The following SPAG16 variants were observed in gnomAD, a reference collection of about 807,000 sequenced individuals.
SPAG16 encodes sperm associated antigen 16, also known as sperm-associated antigen 16 protein.
In SPAG16, 86 loss-of-function variants were observed where a neutral mutation model predicts 80.4. The ratio of observed to expected loss-of-function variants is 1.07; its 90% CI spans 0.90 to 1.28. SPAG16 has a LOEUF of 1.28. SPAG16 is among the 50% of genes most tolerant of loss of function. The pLI is 0.00. For synonymous variants in SPAG16, 294 were observed against 265.9 expected (o/e 1.11, Z -1.03); for missense variants, 870 against 765.3 (o/e 1.14, Z -1.61).
intron 14 of SPAG16, among the ~76,000 whole-genome samples, chr2:214,118,152 G>A (rs1170242556): frequency 1.3e-5 from 2 of 152,014 alleles, no homozygotes; most frequent in Admixed American, 6.6e-5. Flanking sequence ...CAGTAAAGAT[G>A]GAGTACACAA....
intron 10 of SPAG16, among the ~76,000 whole-genome samples, chr2:213,644,613 C>T (rs1453249549): frequency 6.6e-6 from 1 of 152,218 alleles, no homozygotes; most frequent in Non-Finnish European, 1.5e-5. Context: ...ACCTCCTTCA[C>T]AGTCTTGGAC....
At chr2:213,336,454 C>T (rs527491423) in intron 5 of SPAG16, among the ~76,000 whole-genome samples, 8 of 152,316 alleles carry the variant, frequency 5.3e-5, no homozygotes, top group South Asian at 4.1e-4. Flanking sequence ...TGCCAGCCAA[C>T]GCAGCAGGTC....
intron 11 of SPAG16, among the ~76,000 whole-genome samples, chr2:213,909,534 G>A (rs2077572966): frequency 6.6e-6 from 1 of 151,832 alleles, no homozygotes; most frequent in South Asian, 2.1e-4. Context: ...CAGAGACATA[G>A]ATCAATGGAA....
chr2:214,149,777 G>A (rs531508394), intron 15 of SPAG16, among the ~76,000 whole-genome samples: 3 of 152,054 alleles, frequency 2.0e-5, no homozygotes, highest in East Asian at 1.9e-4. Flanking sequence ...ATTCTATAAT[G>A]TTATTATATT....
chr2:213,992,354 A>G (rs2046326379), intron 12 of SPAG16, among the ~76,000 whole-genome samples: 1 of 152,216 alleles, frequency 6.6e-6, no homozygotes, highest in Non-Finnish European at 1.5e-5. Flanking sequence ...TCACAGCTAT[A>G]ATGAATGATT....
At chr2:214,273,886 C>T (rs997066798) in intron 15 of SPAG16, among the ~76,000 whole-genome samples, 1 of 152,114 alleles carries the variant, frequency 6.6e-6, no homozygotes, top group African/African-American at 2.4e-5. Context: ...TTACCCTGTG[C>T]AGTATGGCCA....
intron 15 of SPAG16, among the ~76,000 whole-genome samples, chr2:214,351,988 A>G (rs907769858): frequency 4.6e-5 from 7 of 152,146 alleles, no homozygotes; most frequent in African/African-American, 1.4e-4. Flanking sequence ...CAAAATGCCA[A>G]CAGATTTGGT....
chr2:214,135,061 C>T (rs990351185), intron 14 of SPAG16, among the ~76,000 whole-genome samples: 1 of 152,164 alleles, frequency 6.6e-6, no homozygotes, highest in African/African-American at 2.4e-5. Context: ...ATGAATTTAT[C>T]CTAGTGTTCC....
At chr2:214,161,581 G>GT (rs546384911) in intron 15 of SPAG16, among the ~76,000 whole-genome samples, 145 of 152,166 alleles carry the variant, frequency 9.5e-4, no homozygotes, top group African/African-American at 3.3e-3. Context: ...TCACATGTTT[G>GT]TTGGTGGCAT....
At chr2:214,044,752 G>A (rs913538253) in intron 13 of SPAG16, among the ~76,000 whole-genome samples, 1 of 152,152 alleles carries the variant, frequency 6.6e-6, no homozygotes, top group Non-Finnish European at 1.5e-5. Flanking sequence ...CAATTGTGAG[G>A]CATTGCATTG....
intron 15 of SPAG16, among the ~76,000 whole-genome samples, chr2:214,323,341 TA>T (rs1696242729): frequency 6.6e-6 from 1 of 151,086 alleles, no homozygotes; most frequent in African/African-American, 2.4e-5. Flanking sequence ...TATATTTATT[TA>T]TTTATTTATT....
chr2:213,497,492 G>C (rs2074545349), intron 10 of SPAG16, among the ~76,000 whole-genome samples: 1 of 151,098 alleles, frequency 6.6e-6, no homozygotes, highest in Admixed American at 6.6e-5. Context: ...ATTATGGAAA[G>C]GCTTTATCGT....
intron 13 of SPAG16, among the ~76,000 whole-genome samples, chr2:214,058,822 A>T (rs1394625721): frequency 1.3e-5 from 2 of 152,088 alleles, no homozygotes; most frequent in Admixed American, 6.6e-5. Flanking sequence ...CAAACCAGAA[A>T]TTTCCATTAG....
rs192506603 is a variant in SPAG16 at position 213,719,520 on chromosome 2, A to C, written c.1071-142965A>C. Among the ~76,000 whole-genome samples the C allele has an allele frequency of 7.2e-4, 110 of 152,322 alleles. 1 individual carries two copies. Among genetic ancestry groups the C allele is most frequent in the Non-Finnish European group, 4.4e-5 (3 of 68,032 alleles). On this transcript the variant is annotated intron_variant, in intron 10 of 15. Coordinates refer to ENST00000331683, the MANE Select transcript of SPAG16 (RefSeq NM_024532.5). ...ACACCAATCAGCACCCTGACAAAAC[A>C]GGCCACTTGGCTCTACCAATCAGCA...
chr2:214,365,354 C>A (rs1438747889), intron 15 of SPAG16, among the ~76,000 whole-genome samples: 3 of 152,070 alleles, frequency 2.0e-5, no homozygotes, highest in Non-Finnish European at 4.4e-5. Flanking sequence ...TATTCAAGAC[C>A]AAATTCTTTC....
intron 12 of SPAG16, among the ~76,000 whole-genome samples, chr2:213,961,344 A>G (rs1463958025): frequency 1.3e-5 from 2 of 152,264 alleles, no homozygotes; most frequent in Non-Finnish European, 2.9e-5. Flanking sequence ...GAATCTGCAA[A>G]TAGAGAATTT....
intron 10 of SPAG16, among the ~76,000 whole-genome samples, chr2:213,805,474 G>A (rs1420027552): frequency 6.6e-6 from 1 of 152,192 alleles, no homozygotes; most frequent in African/African-American, 2.4e-5. Context: ...GGGCTTCAGA[G>A]AACCAACCAA....
chr2:214,304,646 C>CTG (rs1029169097), intron 15 of SPAG16, among the ~76,000 whole-genome samples: 3 of 152,122 alleles, frequency 2.0e-5, no homozygotes, highest in Non-Finnish European at 4.4e-5. Context: ...CTCTATATTT[C>CTG]TGTGTGTGTG....
rs571044689 is a variant in SPAG16 at position 213,492,515 on chromosome 2, C to A, written c.1070+2425C>A. Among the ~76,000 whole-genome samples the A allele has an allele frequency of 1.1e-3, 163 of 151,662 alleles. 1 individual carries two copies. Among genetic ancestry groups the A allele is most frequent in the Middle Eastern group, 0.01 (3 of 292 alleles). ...CAGTGAGCCAAGATCGTGCCACTGCCCTCCAGCCTAGGCGACAGAGCGAGA... is the reference window on the plus strand; with the variant it reads ...CAGTGAGCCAAGATCGTGCCACTGCACTCCAGCCTAGGCGACAGAGCGAGA... On this transcript the variant is annotated intron_variant, in intron 10 of 15. Coordinates refer to ENST00000331683, the MANE Select transcript of SPAG16 (RefSeq NM_024532.5).
Sources: allele counts gnomAD v4.1 joint callset (sites outside exome capture counted in the v4.1 genomes callset), GRCh38; gene constraint gnomAD v4.1.1; transcripts MANE v1.5; gene names NCBI Gene and HGNC (gene_info 2026-07-23, HGNC 2026-07-21).